The following SELENOF variants were observed in gnomAD, a reference collection of about 807,000 sequenced individuals.
SELENOF encodes the protein 15 kDa selenoprotein.
In SELENOF, 16 loss-of-function variants were observed where a neutral mutation model predicts 20.5. That is an observed-to-expected ratio of 0.78 (90% CI 0.53 to 1.19). The LOEUF (loss-of-function observed/expected upper bound fraction) is 1.19. Among genes scored for constraint, SELENOF ranks in the 50% most tolerant of loss-of-function variants. SELENOF has a pLI of 0.00. For synonymous variants in SELENOF, 78 were observed against 74.5 expected, an observed-to-expected ratio of 1.05 and a Z score of -0.24; for missense variants, 215 against 194.2, an observed-to-expected ratio of 1.11 and a Z score of -0.64.
chr1:86,873,749 G>A (rs1424850290), intron 3 of SELENOF, among the ~76,000 whole-genome samples: 1 of 151,804 alleles, frequency 6.6e-6, no homozygotes, highest in East Asian at 1.9e-4. Flanking sequence ...CTACTTGGGA[G>A]GCTGAGGTAG....
At chr1:86,899,970 T>C (rs1434881720) in intron 2 of SELENOF, among the ~76,000 whole-genome samples, 3 of 148,132 alleles carry the variant, frequency 2.0e-5, no homozygotes, top group Admixed American at 2.0e-4. Flanking sequence ...GCAAAGGTGC[T>C]CCCCACATCT....
At chr1:86,906,050 CTTG>C (rs1487649957) in intron 1 of SELENOF, among the ~76,000 whole-genome samples, 3 of 151,864 alleles carry the variant, frequency 2.0e-5, no homozygotes, top group Non-Finnish European at 4.4e-5. Context: ...AATTTAAGTA[CTTG>C]TTGGCATATT....
intron 2 of SELENOF, among the ~76,000 whole-genome samples, chr1:86,898,797 T>A (rs1402876322): frequency 6.6e-6 from 1 of 152,138 alleles, no homozygotes; most frequent in Non-Finnish European, 1.5e-5. Flanking sequence ...TTTTCATTTT[T>A]ATTTTTATTG....
intron 1 of SELENOF, among the ~76,000 whole-genome samples, chr1:86,909,887 C>T (rs1212197217): frequency 1.3e-5 from 2 of 152,208 alleles, no homozygotes; most frequent in Non-Finnish European, 2.9e-5. Flanking sequence ...TGCCTGTAAT[C>T]ATAGCTACTC....
chr1:86,907,929 T>G (rs887486005), intron 1 of SELENOF, among the ~76,000 whole-genome samples: 1 of 150,556 alleles, frequency 6.6e-6, no homozygotes, highest in African/African-American at 2.5e-5. Flanking sequence ...GAGATTGCAG[T>G]AAGCTGAGAT....
chr1:86,908,008 A>C (rs1032679368), intron 1 of SELENOF, among the ~76,000 whole-genome samples: 10 of 151,856 alleles, frequency 6.6e-5, no homozygotes, highest in African/African-American at 1.2e-4. Context: ...CAAAAAAAAA[A>C]ACCAAGGCTC....
At chr1:86,888,182 C>T (rs771418254) in intron 2 of SELENOF, among the ~76,000 whole-genome samples, 3 of 151,610 alleles carry the variant, frequency 2.0e-5, no homozygotes, top group Non-Finnish European at 4.4e-5. Context: ...ATCACTTGGA[C>T]CTGGGAGGTG....
At chr1:86,873,040 G>T (rs1341267334) in intron 3 of SELENOF, among the ~76,000 whole-genome samples, 2 of 134,656 alleles carry the variant, frequency 1.5e-5, no homozygotes, top group African/African-American at 5.3e-5. Context: ...GTGTGACTCC[G>T]TCTAAAATAA....
chr1:86,892,089 C>G (rs1315336313), intron 2 of SELENOF, among the ~76,000 whole-genome samples: 2 of 151,850 alleles, frequency 1.3e-5, no homozygotes, highest in Non-Finnish European at 2.9e-5. Context: ...CGCCACCATG[C>G]CCAGTTAATT....
At chr1:86,883,254 T>C (rs1288571437) in intron 2 of SELENOF, among the ~76,000 whole-genome samples, 1 of 151,522 alleles carries the variant, frequency 6.6e-6, no homozygotes. Flanking sequence ...GTAACTAGAG[T>C]AGCCAAAAAT....
chr1:86,869,413 G>T (rs777600465), intron 3 of SELENOF, among the ~76,000 whole-genome samples: 1 of 152,116 alleles, frequency 6.6e-6, no homozygotes, highest in Non-Finnish European at 1.5e-5. Flanking sequence ...TGTGTAAAAA[G>T]CAAGGATTTT....
At chr1:86,904,990 T>C (rs1659794707) in intron 1 of SELENOF, among the ~76,000 whole-genome samples, 1 of 152,214 alleles carries the variant, frequency 6.6e-6, no homozygotes, top group African/African-American at 2.4e-5. Context: ...AAGCCAACAG[T>C]CCACTCAATA....
intron 2 of SELENOF, among the ~76,000 whole-genome samples, chr1:86,892,318 CAT>C (rs1659407910): frequency 1.3e-5 from 2 of 152,120 alleles, no homozygotes; most frequent in African/African-American, 4.8e-5. Context: ...AAACATTATT[CAT>C]ATGTTTTAAA....
chr1:86,881,167 T>C (rs1349675156), intron 2 of SELENOF, among the ~76,000 whole-genome samples: 7 of 152,176 alleles, frequency 4.6e-5, no homozygotes, highest in Non-Finnish European at 8.8e-5. Flanking sequence ...ATCAAAGTTT[T>C]AAAATTAAAA....
chr1:86,885,876 A>G (rs1283721551), intron 2 of SELENOF, among the ~76,000 whole-genome samples: 1 of 152,200 alleles, frequency 6.6e-6, no homozygotes, highest in Admixed American at 6.5e-5. Context: ...TTGCTATAAG[A>G]AGTCACCAAA....
intron 3 of SELENOF, among the ~76,000 whole-genome samples, chr1:86,873,575 G>A (rs1464756727): frequency 6.6e-6 from 1 of 152,130 alleles, no homozygotes; most frequent in Non-Finnish European, 1.5e-5. Flanking sequence ...ATTAGGCTGG[G>A]CACGGTGGCT....
chr1:86,887,212 A>G (rs528328214), intron 2 of SELENOF: 137 of 1,537,362 alleles, frequency 8.9e-5, no homozygotes, highest in Admixed American at 3.3e-4. Flanking sequence ...GATTAGGGGA[A>G]AAAAAATCAG....
At chr1:86,894,177 T>G (rs1249392996) in intron 2 of SELENOF, among the ~76,000 whole-genome samples, 5 of 151,512 alleles carry the variant, frequency 3.3e-5, no homozygotes, top group Admixed American at 2.6e-4. Flanking sequence ...GAGGTTTTTT[T>G]TTTTTTTTTT....
At chr1:86,910,353 G>A (rs1481720865) in intron 1 of SELENOF, among the ~76,000 whole-genome samples, 1 of 152,136 alleles carries the variant, frequency 6.6e-6, no homozygotes, top group Non-Finnish European at 1.5e-5. Context: ...AAGTTAGGAT[G>A]TTCCATCCTG....
Sources: allele counts gnomAD v4.1 joint callset (sites outside exome capture counted in the v4.1 genomes callset), GRCh38; gene constraint gnomAD v4.1.1; transcripts MANE v1.5; gene names NCBI Gene and HGNC (gene_info 2026-07-23, HGNC 2026-07-21).